Variants in FMN2 observed in about 807,000 individuals in gnomAD.
The protein encoded by FMN2 is formin-2.
FMN2 carries 51 observed loss-of-function variants against 142.3 expected under a neutral mutation model. That is an observed-to-expected ratio of 0.36 (90% CI 0.29 to 0.45). The LOEUF (loss-of-function observed/expected upper bound fraction) is 0.45. Among genes scored for constraint, FMN2 ranks in the 20% least tolerant of loss-of-function variants. The pLI is 1.00. For missense variants in FMN2, 1,936 were observed against 2,122.8 expected (o/e 0.91, Z 1.73); for synonymous variants, 882 against 869.8 (o/e 1.01, Z -0.25).
At chr1:240,328,147 C>CAAAAA (rs780595882) in intron 8 of FMN2, among the ~76,000 whole-genome samples, 647 of 51,056 alleles carry the variant, frequency 0.013, 4 homozygotes, top group Middle Eastern at 0.021. Flanking sequence ...GACCCCATCT[C>CAAAAA]AAAAAAAAAA....
At chr1:240,274,570 C>T (rs1200498876) in intron 7 of FMN2, among the ~76,000 whole-genome samples, 1 of 151,988 alleles carries the variant, frequency 6.6e-6, no homozygotes, top group Non-Finnish European at 1.5e-5. Flanking sequence ...GAAATACTAA[C>T]AGAGGGTTTA....
intron 4 of FMN2, among the ~76,000 whole-genome samples, chr1:240,204,207 T>G (rs60583476): frequency 0.24 from 35,971 of 152,092 alleles, 4,463 homozygotes; most frequent in Middle Eastern, 0.39. Flanking sequence ...ACTGGTTGTC[T>G]TCAGCTGTCA....
At chr1:240,334,889 T>C (rs976864933) in intron 13 of FMN2, among the ~76,000 whole-genome samples, 6 of 152,196 alleles carry the variant, frequency 3.9e-5, no homozygotes, top group African/African-American at 1.4e-4. Flanking sequence ...AGCTTCTTTC[T>C]TGCTGTATTA....
chr1:240,205,831 A>C (rs927772822), intron 4 of FMN2, among the ~76,000 whole-genome samples: 1 of 151,524 alleles, frequency 6.6e-6, no homozygotes, highest in Non-Finnish European at 1.5e-5. Flanking sequence ...AGTTTTAGGA[A>C]AGGAAGACAC....
chr1:240,145,796 G>A (rs1663438125), intron 2 of FMN2, among the ~76,000 whole-genome samples: 1 of 151,978 alleles, frequency 6.6e-6, no homozygotes, highest in African/African-American at 2.4e-5. Flanking sequence ...AGGTATGAGT[G>A]AGGGTGCTGG....
intron 8 of FMN2, among the ~76,000 whole-genome samples, chr1:240,308,073 C>A (rs1670474946): frequency 6.6e-6 from 1 of 152,050 alleles, no homozygotes; most frequent in Non-Finnish European, 1.5e-5. Context: ...GGATGTTGCC[C>A]AGGATGGTGG....
chr1:240,119,153 TCTC>T (rs564987017), intron 1 of FMN2, among the ~76,000 whole-genome samples: 51 of 151,484 alleles, frequency 3.4e-4, no homozygotes, highest in African/African-American at 1.2e-3. Context: ...CATGGTGAAA[TCTC>T]CTCTCTACTA....
At chr1:240,322,689 C>A (rs1012611663) in intron 8 of FMN2, among the ~76,000 whole-genome samples, 3 of 152,094 alleles carry the variant, frequency 2.0e-5, no homozygotes, top group Admixed American at 2.0e-4. Context: ...CGTAATGAGC[C>A]TTTCAGACCG....
At chr1:240,423,094 A>G (rs1572291974) in intron 15 of FMN2, among the ~76,000 whole-genome samples, 1 of 152,152 alleles carries the variant, frequency 6.6e-6, no homozygotes, top group Non-Finnish European at 1.5e-5. Context: ...TGATTTTTTC[A>G]TTGCCTGCAA....
At chr1:240,120,436 A>G (rs11810574) in intron 1 of FMN2, among the ~76,000 whole-genome samples, 10,426 of 152,290 alleles carry the variant, frequency 0.068, 451 homozygotes, top group African/African-American at 0.11. Context: ...TTGATGGTAT[A>G]GACTGATAAA....
chr1:240,326,787 G>T (rs1671186776), intron 8 of FMN2, among the ~76,000 whole-genome samples: 1 of 151,886 alleles, frequency 6.6e-6, no homozygotes, highest in Admixed American at 6.6e-5. Context: ...CAACTGCTCT[G>T]GTAGAAACTC....
intron 14 of FMN2, among the ~76,000 whole-genome samples, chr1:240,392,250 A>G (rs1190718281): frequency 6.6e-6 from 1 of 152,128 alleles, no homozygotes; most frequent in Non-Finnish European, 1.5e-5. Context: ...ACTGAGTTAA[A>G]GAAATTTTTT....
chr1:240,193,306 C>T (rs1051934559), intron 4 of FMN2, among the ~76,000 whole-genome samples: 6 of 152,028 alleles, frequency 3.9e-5, no homozygotes, highest in South Asian at 2.1e-4. Flanking sequence ...GAAGGAAATA[C>T]GAAGAATTAT....
At position 240,092,451 on chromosome 1, in the gene FMN2, G is replaced by T; in HGVS notation, c.342G>T (p.Leu114=). The T allele has an allele frequency of 1.2e-6, 2 of 1,610,282 alleles. No individual in the cohort carries two copies. Residue 114 remains leucine (L), a synonymous_variant, in exon 1 of 18, where the codon CTG becomes CTT. Transcript: ENST00000319653. ...QTGELDSAHS[L]LTKTPDLSLS... ...GGGAGCTGGACAGCGCTCACTCCCTGCTCACCAAGACTCCAGACCTCAGCC... is the reference window on the plus strand; with the variant it reads ...GGGAGCTGGACAGCGCTCACTCCCTTCTCACCAAGACTCCAGACCTCAGCC...
Position 240,309,210 on chromosome 1 carries a change from G to T in FMN2, c.4215+14327G>T, listed in dbSNP as rs189484758. ...GCATACCCAAGTTCGGATAAGCTTG[G>T]AAGGGGGTCCCCTCTCTAAGACTGG... On this transcript the variant is annotated intron_variant, in intron 8 of 17. Transcript: ENST00000319653. Among the ~76,000 whole-genome samples, 886 of 152,296 alleles carry T rather than the reference G, an allele frequency of 5.8e-3. 10 individuals carry two copies. Among genetic ancestry groups the T allele is most frequent in the African/African-American group, 0.02 (847 of 41,560 alleles).
At chr1:240,327,999 T>C (rs1671228716) in intron 8 of FMN2, among the ~76,000 whole-genome samples, 1 of 151,418 alleles carries the variant, frequency 6.6e-6, no homozygotes, top group Admixed American at 6.6e-5. Context: ...ATACAAAAAA[T>C]GAGCCAGGCG....
intron 15 of FMN2, among the ~76,000 whole-genome samples, chr1:240,425,174 G>C (rs1188800142): frequency 6.8e-6 from 1 of 146,980 alleles, no homozygotes; most frequent in Non-Finnish European, 1.5e-5. Context: ...CTTCTCATGA[G>C]GATCTCACTA....
At chr1:240,112,633 A>T (rs910764850) in intron 1 of FMN2, among the ~76,000 whole-genome samples, 2 of 152,254 alleles carry the variant, frequency 1.3e-5, no homozygotes, top group African/African-American at 2.4e-5. Context: ...TATAAAGTTT[A>T]TAGCAATCTG....
At chr1:240,431,003 A>G (rs927618199) in intron 15 of FMN2, among the ~76,000 whole-genome samples, 82 of 150,342 alleles carry the variant, frequency 5.5e-4, no homozygotes, top group African/African-American at 2.0e-3. Context: ...AAAACTCTTG[A>G]TTGGGATTGC....
Sources: allele counts gnomAD v4.1 joint callset (sites outside exome capture counted in the v4.1 genomes callset), GRCh38; gene constraint gnomAD v4.1.1; transcripts MANE v1.5; gene names NCBI Gene and HGNC (gene_info 2026-07-23, HGNC 2026-07-21).